CYB5B: variants seen among roughly 807,000 people sequenced by gnomAD.
CYB5B encodes cytochrome b5 type B.
CYB5B carries 14 observed loss-of-function variants against 21.3 expected under a neutral mutation model. The observed-to-expected ratio is 0.66, with a 90% confidence interval of 0.43 to 1.03. The LOEUF (loss-of-function observed/expected upper bound fraction) is 1.03. Ranked by LOEUF, CYB5B falls within the 50% of genes least tolerant of loss-of-function variation. The probability of loss-of-function intolerance (pLI) is 0.00; values close to 1 mark genes in which losing one functional copy is unlikely to be tolerated. For missense variants in CYB5B, 166 were observed against 185.1 expected (o/e 0.90, Z 0.60); for synonymous variants, 69 against 68.4 (o/e 1.01, Z -0.04).
At chr16:69,425,992 GT>G (rs1257645327) in intron 1 of CYB5B, among the ~76,000 whole-genome samples, 1 of 152,130 alleles carries the variant, frequency 6.6e-6, no homozygotes, top group Admixed American at 6.5e-5. Context: ...AAATTTAAAA[GT>G]TTCCCCCAAA....
intron 1 of CYB5B, among the ~76,000 whole-genome samples, chr16:69,436,080 T>C (rs1053112946): frequency 3.3e-5 from 5 of 152,204 alleles, no homozygotes; most frequent in Non-Finnish European, 7.3e-5. Flanking sequence ...GGAATCTACT[T>C]TCATTTATTT....
chr16:69,464,671 C>A lies in CYB5B; in HGVS notation c.*2151C>A, dbSNP rs1251939874. The A allele has an allele frequency of 2.0e-5, 3 of 152,658 alleles. No individual in the cohort carries two copies. The highest frequency in any genetic ancestry group is 7.2e-5 in the African/African-American group (3 of 41,464). 9.5% of individuals were successfully genotyped at this position (152,658 alleles called of 1,614,324 possible). A position where few individuals can be genotyped will look rare whatever the true frequency, so the allele number is the denominator to read the frequency against. ...ATAAGAAATGTTAAAGAACTACCATCTTAAGTAAAATTGGTGTTTTTGTTA... is the reference window on the plus strand; with the variant it reads ...ATAAGAAATGTTAAAGAACTACCATATTAAGTAAAATTGGTGTTTTTGTTA... On this transcript the variant is annotated 3_prime_UTR_variant, in exon 5 of 5. Transcript: ENST00000307892.
rs2014706690 is a variant in CYB5B, at chr16:69,431,575, C to G, written c.174+6718C>G. Among the ~76,000 whole-genome samples, 3 of 151,984 alleles carry G rather than the reference C, an allele frequency of 2.0e-5. No individual in the cohort carries two copies. The South Asian group carries it at 6.2e-4, about 32-fold the overall frequency. ...TCACTTGAGCTCAGGAGTTTGAGAC[C>G]AGCCTAGGCAACATGGCAAAACCCC... On this transcript the variant is annotated intron_variant, in intron 1 of 4. Coordinates refer to ENST00000307892, the MANE Select transcript of CYB5B (RefSeq NM_030579.3).
intron 3 of CYB5B, chr16:69,448,363 CTTT>C: frequency 4.3e-6 from 2 of 462,534 alleles, no homozygotes; most frequent in African/African-American, 2.1e-5. Flanking sequence ...CCTTTATACG[CTTT>C]TTTTTTTTAA....
rs1344472281 is a variant in CYB5B at position 69,460,569 on chromosome 16, G to T, written c.362+1448G>T. 4.6e-5 allele frequency among the ~76,000 whole-genome samples: 7 copies of T among 152,046 alleles called. 1 individual carries two copies. The highest frequency in any genetic ancestry group is 4.6e-4 in the Admixed American group (7 of 15,276). ...ATCACCGACTCTTAAGCACTCCTAG[G>T]GTAATGTAAATGAGTATAATCACTT... On this transcript the variant is annotated intron_variant, in intron 4 of 4. Coordinates refer to ENST00000307892, the MANE Select transcript of CYB5B (RefSeq NM_030579.3).
intron 1 of CYB5B, among the ~76,000 whole-genome samples, chr16:69,437,309 G>A (rs2014770738): frequency 6.6e-6 from 1 of 152,122 alleles, no homozygotes; most frequent in Non-Finnish European, 1.5e-5. Flanking sequence ...AAAGTACAAA[G>A]GCTATTCAGG....
intron 4 of CYB5B, among the ~76,000 whole-genome samples, chr16:69,461,783 A>G (rs1479481138): frequency 6.6e-6 from 1 of 152,178 alleles, no homozygotes; most frequent in Non-Finnish European, 1.5e-5. Flanking sequence ...TCCAAACTTA[A>G]CTAGGGATTA....
At chr16:69,440,669 A>C (rs1018398070) in intron 1 of CYB5B, among the ~76,000 whole-genome samples, 11 of 151,768 alleles carry the variant, frequency 7.2e-5, no homozygotes, top group African/African-American at 2.7e-4. Context: ...CATTTTGTAC[A>C]TACTCTGCTG....
intron 1 of CYB5B, among the ~76,000 whole-genome samples, chr16:69,425,096 G>A (rs996897907): frequency 2.0e-5 from 3 of 152,134 alleles, no homozygotes; most frequent in African/African-American, 7.2e-5. Context: ...TATGTGTCGA[G>A]CATTTGCTGT....
chr16:69,457,496 A>C (rs1473596615), intron 3 of CYB5B, among the ~76,000 whole-genome samples: 1 of 152,182 alleles, frequency 6.6e-6, no homozygotes, highest in Non-Finnish European at 1.5e-5. Flanking sequence ...ATGGAATTCA[A>C]TTATTTCTCG....
At chr16:69,441,305 C>T (rs2014821013) in intron 1 of CYB5B, among the ~76,000 whole-genome samples, 1 of 152,098 alleles carries the variant, frequency 6.6e-6, no homozygotes, top group South Asian at 2.1e-4. Flanking sequence ...CAGGCACATG[C>T]CACCACATCC....
chr16:69,451,348 A>G (rs768600185), intron 3 of CYB5B, among the ~76,000 whole-genome samples: 53 of 152,034 alleles, frequency 3.5e-4, no homozygotes, highest in Non-Finnish European at 5.9e-4. Flanking sequence ...TAACCTATAA[A>G]TATTCGTGGT....
At chr16:69,440,745 C>CGTGTATGTGTGTGT (rs1555509703) in intron 1 of CYB5B, among the ~76,000 whole-genome samples, 1 of 146,416 alleles carries the variant, frequency 6.8e-6, no homozygotes, top group African/African-American at 2.6e-5. Context: ...GTGTGTGTTG[C>CGTGTATGTGTGTGT]GTGTGTGTGT....
At chr16:69,429,778 G>A (rs1217213587) in intron 1 of CYB5B, among the ~76,000 whole-genome samples, 1 of 152,102 alleles carries the variant, frequency 6.6e-6, no homozygotes, top group African/African-American at 2.4e-5. Flanking sequence ...TTCAAGAGTT[G>A]GGTTGCTATT....
At position 69,462,452 on chromosome 16, in the gene CYB5B, C is replaced by G. The variant is rs1279304531; in HGVS notation, c.385C>G (p.Pro129Ala). 6 of 1,614,022 alleles carry G rather than the reference C, an allele frequency of 3.7e-6. No individual in the cohort carries two copies. Among genetic ancestry groups the G allele is most frequent in the Non-Finnish European group, 5.1e-6 (6 of 1,179,908 alleles). The part of the protein sequence containing the change: ...CKSCWAYWIL[P>A]IIGAVLLGFL... ...TAGTTGCTGGGCATATTGGATTTTA[C>G]CCATCATAGGCGCTGTTCTCTTAGG... The change falls in exon 5 of 5, where the codon CCC (proline) becomes GCC (alanine). Residue 129 changes from proline to alanine, a missense_variant. Transcript: ENST00000307892.
chr16:69,457,055 C>A (rs764292831), intron 3 of CYB5B, among the ~76,000 whole-genome samples: 3 of 151,792 alleles, frequency 2.0e-5, no homozygotes, highest in Non-Finnish European at 4.4e-5. Context: ...CTTTTTTTTG[C>A]GTCCCCAGGG....
intron 1 of CYB5B, among the ~76,000 whole-genome samples, chr16:69,440,987 A>G (rs2014816052): frequency 6.6e-6 from 1 of 151,880 alleles, no homozygotes; most frequent in Admixed American, 6.6e-5. Flanking sequence ...GGAAATTTTT[A>G]TTGAGATAAT....
Position 69,434,171 on chromosome 16 carries a change from A to G in CYB5B, c.174+9314A>G, listed in dbSNP as rs116932797. Among the ~76,000 whole-genome samples the G allele has an allele frequency of 9.2e-5, 14 of 152,256 alleles. No individual in the cohort carries two copies. The South Asian group carries it at 2.5e-3, about 27-fold the overall frequency. Reference sequence around the variant, plus strand: ...CTGTCTAGCTTCTTTTGCTCAGTATATCTGTGAGATTCATCTATTTTTTCT... The same window carrying G: ...CTGTCTAGCTTCTTTTGCTCAGTATGTCTGTGAGATTCATCTATTTTTTCT... On this transcript the variant is annotated intron_variant, in intron 1 of 4. Transcript: ENST00000307892.
At chr16:69,436,758 T>C (rs2014764178) in intron 1 of CYB5B, among the ~76,000 whole-genome samples, 1 of 152,226 alleles carries the variant, frequency 6.6e-6, no homozygotes, top group African/African-American at 2.4e-5. Context: ...TATATCTCCA[T>C]TGTTATATTT....
Sources: gnomAD v4.1 joint callset for allele counts (sites outside exome capture counted in the v4.1 genomes callset) on GRCh38, gnomAD v4.1.1 for gene constraint, MANE v1.5 for transcripts, NCBI Gene and HGNC (gene_info 2026-07-23, HGNC 2026-07-21) for gene names.